Variants in SIPA1L3 observed in about 807,000 individuals in gnomAD.
The protein encoded by SIPA1L3 is signal induced proliferation associated 1 like 3.
A neutral mutation model predicts 150.1 loss-of-function variants in SIPA1L3; 59 were observed. The ratio of observed to expected loss-of-function variants is 0.39; its 90% CI spans 0.32 to 0.49. The LOEUF is 0.49. SIPA1L3 is among the 20% of genes least tolerant of loss of function. SIPA1L3 has a pLI of 0.86. For missense variants in SIPA1L3, 2,211 were observed against 2,489.5 expected, an observed-to-expected ratio of 0.89 and a Z score of 2.38; for synonymous variants, 1,070 against 1,077.6, an observed-to-expected ratio of 0.99 and a Z score of 0.14.
chr19:37,980,053 G>A (rs1302241381), intron 1 of SIPA1L3, among the ~76,000 whole-genome samples: 2 of 152,196 alleles, frequency 1.3e-5, no homozygotes, highest in Admixed American at 6.5e-5. Flanking sequence ...GCAGTCCTGT[G>A]GAGGGATGTA....
chr19:38,163,265 G>A (rs921125398), intron 14 of SIPA1L3, among the ~76,000 whole-genome samples: 7 of 152,182 alleles, frequency 4.6e-5, no homozygotes, highest in African/African-American at 9.6e-5. Flanking sequence ...CAAGGCGGAC[G>A]GATCACCTGC....
intron 9 of SIPA1L3, among the ~76,000 whole-genome samples, chr19:38,127,146 T>G (rs900047582): frequency 6.6e-6 from 1 of 152,124 alleles, no homozygotes; most frequent in African/African-American, 2.4e-5. Flanking sequence ...GAGCCAAGAT[T>G]GTGCCATTGC....
chr19:38,010,411 T>TA (rs57336441), intron 1 of SIPA1L3, among the ~76,000 whole-genome samples: 45 of 141,880 alleles, frequency 3.2e-4, no homozygotes, highest in African/African-American at 5.7e-4. Flanking sequence ...CTCTCAAAAT[T>TA]AAAAAAAAAA....
In SIPA1L3 at chr19:38,152,947, C is replaced by G; in HGVS notation, c.3641C>G (p.Thr1214Ser). The G allele has an allele frequency of 6.2e-7, 1 of 1,613,070 alleles. No individual in the cohort carries two copies. Among genetic ancestry groups the G allele is most frequent in the East Asian group, 2.2e-5 (1 of 44,866 alleles). ...SSGGLTSQES[T>S]MERQKPEPLW... Reference sequence around the variant, plus strand: ...GGCGGCCTGACCAGCCAGGAGAGCACCATGGAACGCCAGAAGCCAGGTAGG... The same window carrying G: ...GGCGGCCTGACCAGCCAGGAGAGCAGCATGGAACGCCAGAAGCCAGGTAGG... The change falls in exon 13 of 22, where the codon ACC becomes AGC. Residue 1214 changes from threonine (T) to serine (S), a missense_variant. Physicochemically the swap from Thr to Ser is moderately conservative, Grantham distance 58 (BLOSUM62 1). This residue lies in a region of SIPA1L3 where 806 missense variants were observed against 870.1 expected (regional missense o/e 0.93). Transcript: ENST00000222345.
At position 38,204,765 on chromosome 19, in the gene SIPA1L3, C is replaced by CA. The variant is rs546411315; in HGVS notation, c.5202+566dup. Among the ~76,000 whole-genome samples, 13 of 148,164 alleles carry CA rather than the reference C, an allele frequency of 8.8e-5. No homozygotes were observed. In the South Asian group the frequency reaches 1.1e-3, roughly 12 times the overall value. On this transcript the variant is annotated intron_variant, in intron 21 of 21. Coordinates refer to ENST00000222345, the MANE Select transcript of SIPA1L3 (RefSeq NM_015073.3). ...TGGGCAACAGAGCGAGACTCCATCTCAAAAAAAAAGAAAAAAAAATGTTGA... is the reference window on the plus strand; with the variant it reads ...TGGGCAACAGAGCGAGACTCCATCTCAAAAAAAAAAGAAAAAAAAATGTTGA...
intron 2 of SIPA1L3, among the ~76,000 whole-genome samples, chr19:38,053,350 A>G (rs767428590): frequency 1.3e-5 from 2 of 152,226 alleles, no homozygotes; most frequent in Non-Finnish European, 2.9e-5. Flanking sequence ...AATTCTCATA[A>G]TAATCCTGTG....
intron 1 of SIPA1L3, among the ~76,000 whole-genome samples, chr19:37,976,263 G>A (rs1029896134): frequency 3.9e-5 from 6 of 152,102 alleles, no homozygotes; most frequent in Admixed American, 2.0e-4. Flanking sequence ...TTGGGTCTTC[G>A]TCTTGTTGTA....
chr19:37,925,531 A>G (rs995282342), intron 1 of SIPA1L3, among the ~76,000 whole-genome samples: 2 of 150,776 alleles, frequency 1.3e-5, no homozygotes, highest in African/African-American at 4.9e-5. Context: ...GGTCCTGCAC[A>G]GGTTTGTCTT....
In SIPA1L3 at chr19:38,082,729, G is replaced by A; in HGVS notation, c.1164G>A (p.Arg388=). 6.2e-7 allele frequency: 1 copy of A among 1,612,066 alleles called. No homozygotes were observed. The highest frequency in any genetic ancestry group is 1.7e-4 in the Middle Eastern group (1 of 6,058). The change falls in exon 3 of 22, where the codon CGG becomes CGA. Residue 388 remains arginine (R), a synonymous_variant. Transcript: ENST00000222345. The part of the protein sequence containing the change: ...ASAMASLTAS[R]AHSLGGLDPA... ...CCATGGCCTCCCTCACGGCCTCGCG[G>A]GCCCACAGCCTCGGAGGCCTGGACC...
chr19:38,022,062 C>T (rs974077233), intron 1 of SIPA1L3, among the ~76,000 whole-genome samples: 2 of 152,226 alleles, frequency 1.3e-5, no homozygotes, highest in East Asian at 3.8e-4. Flanking sequence ...ATACTCTTCA[C>T]TGTTGCATTT....
chr19:38,078,438 GCACACA>G (rs66830496), intron 2 of SIPA1L3, among the ~76,000 whole-genome samples: 10,199 of 138,930 alleles, frequency 0.073, 409 homozygotes, highest in Middle Eastern at 0.13. Flanking sequence ...GCGCATACAT[GCACACA>G]CACACACACA....
chr19:38,080,495 G>A (rs1241155733), intron 2 of SIPA1L3, among the ~76,000 whole-genome samples: 2 of 152,144 alleles, frequency 1.3e-5, no homozygotes, highest in South Asian at 2.1e-4. Flanking sequence ...GGATGATTTC[G>A]AACAAACCAG....
chr19:37,969,262 A>G (rs187922618), intron 1 of SIPA1L3, among the ~76,000 whole-genome samples: 193 of 152,002 alleles, frequency 1.3e-3, no homozygotes, highest in African/African-American at 4.5e-3. Context: ...AAAGAAAAAA[A>G]CCTTATAGGC....
intron 1 of SIPA1L3, among the ~76,000 whole-genome samples, chr19:37,918,478 T>G (rs1013331589): frequency 1.6e-4 from 25 of 151,930 alleles, no homozygotes; most frequent in Admixed American, 4.6e-4. Context: ...CAGGATGGTC[T>G]CAATCTCTTG....
At chr19:37,951,656 T>C (rs1285267844) in intron 1 of SIPA1L3, among the ~76,000 whole-genome samples, 1 of 151,972 alleles carries the variant, frequency 6.6e-6, no homozygotes, top group Admixed American at 6.6e-5. Context: ...CCCAGCACTT[T>C]GGGAGGCTGA....
chr19:38,108,523 T>G (rs556613737), intron 7 of SIPA1L3: 1 of 152,326 alleles, frequency 6.6e-6, no homozygotes, highest in Admixed American at 6.5e-5. Context: ...TAATGCCACT[T>G]AAAACTCACA....
chr19:38,061,629 G>A (rs958408868), intron 2 of SIPA1L3, among the ~76,000 whole-genome samples: 2 of 152,030 alleles, frequency 1.3e-5, no homozygotes, highest in African/African-American at 4.8e-5. Flanking sequence ...GGACAGGGCC[G>A]TGGAGAGACA....
chr19:37,943,001 A>G (rs1036319191), intron 1 of SIPA1L3, among the ~76,000 whole-genome samples: 2 of 144,042 alleles, frequency 1.4e-5, no homozygotes, highest in Non-Finnish European at 3.0e-5. Flanking sequence ...CGTGAGCCAC[A>G]CCCAGCCTCT....
At chr19:38,023,193 A>G (rs1968418251) in intron 1 of SIPA1L3, among the ~76,000 whole-genome samples, 1 of 152,166 alleles carries the variant, frequency 6.6e-6, no homozygotes, top group Non-Finnish European at 1.5e-5. Flanking sequence ...TGAAATCCTC[A>G]TAGCTGTGTG....
Sources: allele counts gnomAD v4.1 joint callset (sites outside exome capture counted in the v4.1 genomes callset), GRCh38; gene constraint gnomAD v4.1.1; regional missense constraint gnomAD v4.1.1; transcripts MANE v1.5; gene names NCBI Gene and HGNC (gene_info 2026-07-23, HGNC 2026-07-21).